GNAO1: variants seen among roughly 807,000 people sequenced by gnomAD.
The protein encoded by GNAO1 is G protein subunit alpha o1.
For missense variants in GNAO1, 166 were observed against 478.7 expected (o/e 0.35, Z 6.10); for synonymous variants, 164 against 180.7 (o/e 0.91, Z 0.74).
At chr16:56,343,138 G>A (rs2037822138) in intron 6 of GNAO1, among the ~76,000 whole-genome samples, 1 of 151,356 alleles carries the variant, frequency 6.6e-6, no homozygotes, top group African/African-American at 2.4e-5. Context: ...AAAAAGAGGA[G>A]TCCATAAATG....
At chr16:56,314,138 T>A (rs1222280092) in intron 3 of GNAO1, among the ~76,000 whole-genome samples, 9 of 152,248 alleles carry the variant, frequency 5.9e-5, no homozygotes, top group Admixed American at 5.9e-4. Context: ...CATTTGTTAA[T>A]ATCAACACTG....
At chr16:56,269,127 G>C (rs950899733) in intron 2 of GNAO1, among the ~76,000 whole-genome samples, 6 of 152,220 alleles carry the variant, frequency 3.9e-5, no homozygotes, top group Non-Finnish European at 5.9e-5. Flanking sequence ...TTCATGACAC[G>C]TTAAGACAGC....
intron 2 of GNAO1, among the ~76,000 whole-genome samples, chr16:56,266,933 T>G (rs2036959513): frequency 6.6e-6 from 1 of 151,984 alleles, no homozygotes; most frequent in Admixed American, 6.5e-5. Context: ...CTGCAGTTCC[T>G]AGAAAGCCCT....
Position 56,194,417 on chromosome 16 carries a change from G to T in GNAO1, c.161+1801G>T, listed in dbSNP as rs562637497. 4.1e-5 allele frequency: 15 copies of T among 369,942 alleles called. No homozygotes were observed. The East Asian group carries it at 9.6e-4, about 24-fold the overall frequency. The allele number at this position is 369,942 out of a possible 1,614,324, so 22.9% of individuals were successfully genotyped here. On this transcript the variant is annotated intron_variant, in intron 2 of 8. Transcript: ENST00000262493. ...ACTTCAGAAGTCTGTAATCAGCAGT[G>T]GCGGACTCGGAGCCCAGTAGAAGCC...
chr16:56,266,282 G>T (rs2036952902), intron 2 of GNAO1, among the ~76,000 whole-genome samples: 1 of 152,094 alleles, frequency 6.6e-6, no homozygotes, highest in Non-Finnish European at 1.5e-5. Flanking sequence ...GTCAGTGGGG[G>T]GATTGAAGGA....
chr16:56,219,405 AC>A (rs1356591345), intron 2 of GNAO1, among the ~76,000 whole-genome samples: 1 of 151,994 alleles, frequency 6.6e-6, no homozygotes, highest in East Asian at 1.9e-4. Context: ...AAGTCAAGGC[AC>A]CCCATTGCAT....
At chr16:56,355,394 G>C (rs2037959018) in intron 8 of GNAO1, 1 of 152,446 alleles carries the variant, frequency 6.6e-6, no homozygotes, top group South Asian at 2.1e-4. Flanking sequence ...TGGTTTGGGA[G>C]TCCCTCCTTT....
chr16:56,336,883 G>A, intron 6 of GNAO1, 23 bp downstream of exon 6: 1 of 1,597,688 alleles, frequency 6.3e-7, no homozygotes, highest in Non-Finnish European at 8.5e-7. Context: ...GGCCCCCCGG[G>A]CAGGGGGCAG....
chr16:56,204,897 C>T (rs117501040), intron 2 of GNAO1, among the ~76,000 whole-genome samples: 2,323 of 152,176 alleles, frequency 0.015, 26 homozygotes, highest in Non-Finnish European at 0.022. Context: ...GAAACTGGAT[C>T]GCGTGATCTA....
At chr16:56,319,477 C>T (rs2037550136) in intron 3 of GNAO1, among the ~76,000 whole-genome samples, 1 of 152,128 alleles carries the variant, frequency 6.6e-6, no homozygotes, top group South Asian at 2.1e-4. Flanking sequence ...GAGCCTACGC[C>T]CCTCCTTGGA....
chr16:56,223,806 C>A (rs1193118995), intron 2 of GNAO1, among the ~76,000 whole-genome samples: 1 of 152,132 alleles, frequency 6.6e-6, no homozygotes, highest in South Asian at 2.1e-4. Flanking sequence ...GAGTAACTCA[C>A]CTGAAGAACA....
chr16:56,329,723 C>T lies in GNAO1; in HGVS notation c.464+932C>T, dbSNP rs144447515. 2.9e-3 allele frequency among the ~76,000 whole-genome samples: 445 copies of T among 152,320 alleles called. 2 individuals are homozygous for T. Among genetic ancestry groups the T allele is most frequent in the Middle Eastern group, 0.014 (4 of 294 alleles). ...TCTGCAAGGAGCCCTTGAGCTTTAT[C>T]CCACTAGCTGGGAAGATTCTGACAT... On this transcript the variant is annotated intron_variant, in intron 4 of 8. Transcript: ENST00000262493.
intron 2 of GNAO1, among the ~76,000 whole-genome samples, chr16:56,272,679 C>A (rs554819336): frequency 1.3e-5 from 2 of 152,314 alleles, no homozygotes; most frequent in East Asian, 3.9e-4. Context: ...GATATTGGGG[C>A]AATTACTTAT....
At chr16:56,254,394 A>G (rs1202380456) in intron 2 of GNAO1, among the ~76,000 whole-genome samples, 3 of 152,186 alleles carry the variant, frequency 2.0e-5, no homozygotes, top group Non-Finnish European at 2.9e-5. Context: ...ATGTCTTCAT[A>G]AAATAAGTGT....
At chr16:56,233,379 G>A (rs539579201) in intron 2 of GNAO1, among the ~76,000 whole-genome samples, 69 of 152,252 alleles carry the variant, frequency 4.5e-4, no homozygotes, top group Middle Eastern at 6.8e-3. Flanking sequence ...ATGAATGGAA[G>A]GTCTTCTATG....
chr16:56,323,741 AGG>A (rs1410092424), intron 3 of GNAO1, among the ~76,000 whole-genome samples: 1 of 152,058 alleles, frequency 6.6e-6, no homozygotes, highest in East Asian at 1.9e-4. Flanking sequence ...GTAAAGAAGA[AGG>A]GGAGAATTGA....
At chr16:56,290,803 C>A (rs1225295148) in intron 3 of GNAO1, among the ~76,000 whole-genome samples, 1 of 152,186 alleles carries the variant, frequency 6.6e-6, no homozygotes, top group African/African-American at 2.4e-5. Flanking sequence ...TCCCTCCCTA[C>A]CCCTCTGCCT....
intron 2 of GNAO1, among the ~76,000 whole-genome samples, chr16:56,210,555 G>C (rs192168415): frequency 6.6e-6 from 1 of 152,218 alleles, no homozygotes; most frequent in African/African-American, 2.4e-5. Context: ...GCGAGTTCCT[G>C]TTGTCTGCAA....
intron 6 of GNAO1, among the ~76,000 whole-genome samples, chr16:56,349,637 G>T (rs1229738727): frequency 2.6e-5 from 4 of 152,214 alleles, no homozygotes; most frequent in Admixed American, 1.3e-4. Context: ...GAGATCATAT[G>T]AGTTTACTGA....
Sources: gnomAD v4.1 joint callset for allele counts (sites outside exome capture counted in the v4.1 genomes callset) on GRCh38, gnomAD v4.1.1 for gene constraint, MANE v1.5 for transcripts, NCBI Gene and HGNC (gene_info 2026-07-23, HGNC 2026-07-21) for gene names.